NAALAD2: variants seen among roughly 807,000 people sequenced by gnomAD.
The protein encoded by NAALAD2 is N-acetylated-alpha-linked acidic dipeptidase 2.
Under a neutral mutation model 95.6 loss-of-function variants are expected in NAALAD2, and 89 were observed. The observed-to-expected ratio is 0.93, with a 90% CI of 0.78 to 1.11. The LOEUF is 1.11. Among genes scored for constraint, NAALAD2 ranks in the 50% least tolerant of loss-of-function variants. The pLI, the probability that NAALAD2 is intolerant of heterozygous loss-of-function variation, is 0.00. For synonymous variants in NAALAD2, 264 were observed against 294.4 expected, an observed-to-expected ratio of 0.90 and a Z score of 1.06; for missense variants, 894 against 872.4, an observed-to-expected ratio of 1.02 and a Z score of -0.31.
chr11:90,177,683 G>A (rs112005656), intron 15 of NAALAD2, among the ~76,000 whole-genome samples, 170 bp from the exon 16 acceptor site: 2,344 of 129,522 alleles, frequency 0.018, 61 homozygotes, highest in African/African-American at 0.063. Context: ...GAACTCCTGA[G>A]CTCAGGCAAT....
At position 90,134,847 on chromosome 11, in the gene NAALAD2, G is replaced by A; in HGVS notation, c.82+7G>A. On this transcript the variant is annotated splice_region_variant and intron_variant, in intron 1 of 18. Transcript: ENST00000534061. The stretch of plus-strand genomic sequence containing the variant: ...CTGATGGGATTTATGGTGGGTAAGT[G>A]AACAAAACACTCTACCCCGACTCCG... The A allele has an allele frequency of 3.1e-6, 5 of 1,613,826 alleles. No individual in the cohort carries two copies. The highest frequency in any genetic ancestry group is 2.2e-5 in the East Asian group (1 of 44,862).
chr11:90,147,301 T>G (rs2186748), intron 2 of NAALAD2, 29 bp from the exon 3 acceptor site: 1 of 1,560,300 alleles, frequency 6.4e-7, no homozygotes, highest in African/African-American at 1.4e-5. Flanking sequence ...TAGTCTTTAA[T>G]GCCCTCTTAT....
At chr11:90,152,803 C>T (rs1008943331) in intron 6 of NAALAD2, among the ~76,000 whole-genome samples, 3 of 151,522 alleles carry the variant, frequency 2.0e-5, no homozygotes, top group South Asian at 2.1e-4. Context: ...GCTGAATTAC[C>T]GATAGATTGT....
chr11:90,176,983 T>C (rs995540733), intron 15 of NAALAD2, among the ~76,000 whole-genome samples: 4 of 152,208 alleles, frequency 2.6e-5, no homozygotes, highest in Admixed American at 1.3e-4. Flanking sequence ...TGCTCAAAGT[T>C]ATCTAGTTTC....
rs368205866 is a variant in NAALAD2 at position 90,163,050 on chromosome 11, T to C, written c.1075+16T>C. ...GTGGAACCTGGTGAGTCACATAATT[T>C]TTTAAAACATTTTGTTTTTACAAAA... On this transcript the variant is annotated intron_variant, in intron 9 of 18. Transcript: ENST00000534061. The C allele has an allele frequency of 3.5e-4, 527 of 1,499,538 alleles. No homozygotes were observed. The highest frequency in any genetic ancestry group is 4.4e-4 in the Non-Finnish European group (486 of 1,104,030). 92.9% of individuals were successfully genotyped at this position (1,499,538 alleles called of 1,614,324 possible).
At chr11:90,144,757 G>GAAAAAAAAA (rs1302696048) in intron 2 of NAALAD2, among the ~76,000 whole-genome samples, 1 of 129,492 alleles carries the variant, frequency 7.7e-6, no homozygotes, top group African/African-American at 3.0e-5. Flanking sequence ...AAAAAAAAAC[G>GAAAAAAAAA]GAAAAGAAAG....
chr11:90,154,954 G>T (rs1314166538), intron 6 of NAALAD2, among the ~76,000 whole-genome samples: 2 of 107,570 alleles, frequency 1.9e-5, no homozygotes, highest in East Asian at 3.0e-4. Flanking sequence ...TATTATATAC[G>T]TATACATAAT....
intron 16 of NAALAD2, 81 bp downstream of exon 16, chr11:90,178,198 T>C: frequency 7.1e-7 from 1 of 1,409,650 alleles, no homozygotes; most frequent in South Asian, 1.4e-5. Context: ...TCAATGCATA[T>C]TGTTTCATCC....
chr11:90,152,197 A>T (rs1214146341), intron 5 of NAALAD2, 101 bp from the exon 6 acceptor site: 2 of 1,073,542 alleles, frequency 1.9e-6, no homozygotes, highest in Non-Finnish European at 2.6e-6. Flanking sequence ...GGTAAAAGGC[A>T]GTGTCTAAAT....
chr11:90,142,358 C>T (rs1481179910), intron 2 of NAALAD2, among the ~76,000 whole-genome samples: 2 of 152,040 alleles, frequency 1.3e-5, no homozygotes, highest in African/African-American at 4.8e-5. Context: ...TACACATGGA[C>T]GTTGCTATGT....
intron 18 of NAALAD2, among the ~76,000 whole-genome samples, 186 bp from the exon 19 acceptor site, chr11:90,191,372 G>A (rs547769244): frequency 1.3e-5 from 2 of 152,034 alleles, no homozygotes; most frequent in Admixed American, 6.6e-5. Flanking sequence ...ATGTCTTAGC[G>A]AATGCATATT....
intron 2 of NAALAD2, among the ~76,000 whole-genome samples, chr11:90,143,452 A>T (rs1332116411): frequency 6.6e-6 from 1 of 152,140 alleles, no homozygotes; most frequent in Non-Finnish European, 1.5e-5. Flanking sequence ...AGAAGTTTAC[A>T]GTCATTAAAT....
chr11:90,145,013 C>T (rs1449050029), intron 2 of NAALAD2, among the ~76,000 whole-genome samples: 1 of 152,136 alleles, frequency 6.6e-6, no homozygotes, highest in Non-Finnish European at 1.5e-5. Context: ...AGGTTACCTT[C>T]CTCCCAGCCC....
At chr11:90,135,811 TAATGTCTC>T in intron 2 of NAALAD2, 141 bp downstream of exon 2, 1 of 537,566 alleles carries the variant, frequency 1.9e-6, no homozygotes, top group Non-Finnish European at 3.1e-6. Flanking sequence ...TTTTTTTTTT[TAATGTCTC>T]TTTACACCAG....
At chr11:90,147,666 G>C in intron 3 of NAALAD2, 150 bp downstream of exon 3, 1 of 702,914 alleles carries the variant, frequency 1.4e-6, no homozygotes, top group South Asian at 2.4e-5. Flanking sequence ...CCTGAGGCCA[G>C]AATAAGACTA....
At chr11:90,149,287 A>G (rs1222681418) in intron 4 of NAALAD2, among the ~76,000 whole-genome samples, 180 bp downstream of exon 4, 2 of 152,210 alleles carry the variant, frequency 1.3e-5, no homozygotes, top group East Asian at 1.9e-4. Flanking sequence ...AATAAAATAG[A>G]AAAGAACACC....
intron 2 of NAALAD2, among the ~76,000 whole-genome samples, chr11:90,141,097 C>T (rs1028852111): frequency 6.6e-6 from 1 of 152,084 alleles, no homozygotes; most frequent in African/African-American, 2.4e-5. Context: ...ATATTCTGCC[C>T]TATTTATCCA....
intron 4 of NAALAD2, among the ~76,000 whole-genome samples, chr11:90,150,141 G>A (rs1275111939): frequency 6.6e-6 from 1 of 152,138 alleles, no homozygotes; most frequent in Admixed American, 6.6e-5. Flanking sequence ...TGTAATCACA[G>A]CTACTCTGGC....
chr11:90,167,279 G>C (rs1452568243), intron 11 of NAALAD2, among the ~76,000 whole-genome samples: 3 of 152,142 alleles, frequency 2.0e-5, no homozygotes, highest in Non-Finnish European at 2.9e-5. Context: ...GCCCGCCCTC[G>C]GAGGCGCCGG....
Sources: gnomAD v4.1 joint callset for allele counts (sites outside exome capture counted in the v4.1 genomes callset) on GRCh38, gnomAD v4.1.1 for gene constraint, MANE v1.5 for transcripts, NCBI Gene and HGNC (gene_info 2026-07-23, HGNC 2026-07-21) for gene names.